EPB41L4B: variants seen among roughly 807,000 people sequenced by gnomAD.
EPB41L4B encodes the protein erythrocyte membrane protein band 4.1 like 4B, also known as band 4.1-like protein 4B.
A neutral mutation model predicts 112.5 loss-of-function variants in EPB41L4B; 30 were observed. The ratio of observed to expected loss-of-function variants is 0.27; its 90% confidence interval spans 0.20 to 0.36. The LOEUF (loss-of-function observed/expected upper bound fraction) is 0.36. EPB41L4B is among the 10% of genes least tolerant of loss of function. EPB41L4B has a pLI of 1.00. For missense variants in EPB41L4B, 1,024 were observed against 1,133.3 expected (o/e 0.90, Z 1.38); for synonymous variants, 408 against 439.7 (o/e 0.93, Z 0.90).
rs552184786 is a variant in EPB41L4B at position 109,264,830 on chromosome 9, G to A, written c.578+150C>T. ...TTTAAAATAGGATGATAATGACAGT[G>A]ATACAAGTATTAGACTCACTTTACA... On this transcript the variant is annotated intron_variant, in intron 5 of 25. Coordinates refer to ENST00000374566, the MANE Select transcript of EPB41L4B (RefSeq NM_019114.5). 2.9e-4 allele frequency: 161 copies of A among 552,982 alleles called. 1 individual carries two copies. In the East Asian group the frequency reaches 4.9e-3, roughly 17 times the overall value. The allele number at this position is 552,982 out of a possible 1,614,324, so 34.3% of individuals were successfully genotyped here.
At chr9:109,198,214 G>T (rs150886899) in intron 20 of EPB41L4B, among the ~76,000 whole-genome samples, 1 of 152,148 alleles carries the variant, frequency 6.6e-6, no homozygotes, top group Non-Finnish European at 1.5e-5. Context: ...GGCTGTTAGA[G>T]AATTGCATCC....
At chr9:109,237,893 G>A (rs985099444) in intron 15 of EPB41L4B, among the ~76,000 whole-genome samples, 5 of 152,004 alleles carry the variant, frequency 3.3e-5, no homozygotes, top group African/African-American at 1.2e-4. Flanking sequence ...ATGGACAGGG[G>A]TTACTAGATG....
chr9:109,183,818 T>A (rs1832153649), intron 23 of EPB41L4B, among the ~76,000 whole-genome samples: 2 of 152,232 alleles, frequency 1.3e-5, no homozygotes, highest in Admixed American at 1.3e-4. Flanking sequence ...CTGGGATAGC[T>A]ACTCAATGCT....
At chr9:109,241,594 G>A in intron 15 of EPB41L4B, 1 of 1,600,270 alleles carries the variant, frequency 6.2e-7, no homozygotes. Flanking sequence ...ATCCATCTGA[G>A]GCCAAGACAC....
chr9:109,206,674 G>C (rs10739273), intron 18 of EPB41L4B, among the ~76,000 whole-genome samples: 54,399 of 152,080 alleles, frequency 0.36, 10,218 homozygotes, highest in Middle Eastern at 0.44. Flanking sequence ...AAAGAGTCAT[G>C]GTCCACCAGG....
chr9:109,296,514 G>A (rs903449654), intron 1 of EPB41L4B, among the ~76,000 whole-genome samples: 1 of 152,164 alleles, frequency 6.6e-6, no homozygotes, highest in Non-Finnish European at 1.5e-5. Flanking sequence ...AATTTAACAG[G>A]GTTTGGCCTG....
chr9:109,176,050 G>GCGCA (rs1831820518), intron 25 of EPB41L4B, among the ~76,000 whole-genome samples: 7 of 32,926 alleles, frequency 2.1e-4, no homozygotes, highest in Admixed American at 1.7e-3. Flanking sequence ...TCACACACAC[G>GCGCA]CACACACACA....
intron 24 of EPB41L4B, among the ~76,000 whole-genome samples, chr9:109,179,848 C>T (rs1296172205): frequency 6.6e-6 from 1 of 152,204 alleles, no homozygotes; most frequent in Non-Finnish European, 1.5e-5. Context: ...CTCTCTCTCC[C>T]TTAAGCCACT....
At chr9:109,307,179 A>G (rs1447136174) in intron 1 of EPB41L4B, 1 of 461,004 alleles carries the variant, frequency 2.2e-6, no homozygotes, top group Admixed American at 2.5e-5. Context: ...TAATTCTATT[A>G]TAGTACATAC....
chr9:109,294,708 A>G (rs1162874484), intron 1 of EPB41L4B, among the ~76,000 whole-genome samples: 3 of 147,398 alleles, frequency 2.0e-5, no homozygotes, highest in African/African-American at 5.1e-5. Flanking sequence ...GTGTGTGTGT[A>G]TAAGTATTTA....
chr9:109,268,975 A>G (rs893722259), intron 2 of EPB41L4B, among the ~76,000 whole-genome samples: 2 of 152,118 alleles, frequency 1.3e-5, no homozygotes, highest in Middle Eastern at 3.4e-3. Flanking sequence ...AGTTTCTGGA[A>G]GTTTTACAAA....
chr9:109,255,651 G>C lies in EPB41L4B; in HGVS notation c.1029C>G (p.Phe343Leu), dbSNP rs768244543. The C allele has an allele frequency of 6.2e-7, 1 of 1,613,410 alleles. No individual in the cohort carries two copies. The highest frequency in any genetic ancestry group is 1.1e-5 in the South Asian group (1 of 91,066). ...QGREQEHTFV[F>L]RLDSARTCKH... ...TGCAGGTCCTGGCACTGTCTAACCG[G>C]AACACAAACGTGTGCTCTTGCTCAC... The change falls in exon 11 of 26, where the codon TTC becomes TTG. Residue 343 changes from phenylalanine to leucine, a missense_variant. Transcript: ENST00000374566.
chr9:109,293,585 T>C (rs764065382), intron 1 of EPB41L4B, among the ~76,000 whole-genome samples: 4 of 151,288 alleles, frequency 2.6e-5, no homozygotes, highest in Non-Finnish European at 5.9e-5. Flanking sequence ...GGTTTCTTCA[T>C]GTCAGCCAGG....
intron 1 of EPB41L4B, among the ~76,000 whole-genome samples, chr9:109,283,578 C>T (rs973674793): frequency 4.0e-5 from 6 of 151,800 alleles, no homozygotes; most frequent in African/African-American, 7.3e-5. Flanking sequence ...AAGATAATTA[C>T]GAAGATGAGA....
Position 109,203,620 on chromosome 9 carries a change from T to C in EPB41L4B, c.1946+43A>G, listed in dbSNP as rs1442874642. The C allele has an allele frequency of 3.4e-6, 5 of 1,449,764 alleles. No homozygotes were observed. In the African/African-American group the frequency reaches 4.2e-5, roughly 12 times the overall value. The allele number at this position is 1,449,764 out of a possible 1,614,324, so 89.8% of individuals were successfully genotyped here. A position where few individuals can be genotyped will look rare whatever the true frequency, so the allele number is the denominator to read the frequency against. ...AATGTTTCAAGGATAATGTTGATGA[T>C]ACAGAGAATATCATTTCCCCATTCA... On this transcript the variant is annotated intron_variant, in intron 19 of 25. Coordinates refer to ENST00000374566, the MANE Select transcript of EPB41L4B (RefSeq NM_019114.5).
chr9:109,310,481 T>C (rs1837378574), intron 1 of EPB41L4B, among the ~76,000 whole-genome samples: 1 of 152,208 alleles, frequency 6.6e-6, no homozygotes, highest in Non-Finnish European at 1.5e-5. Flanking sequence ...ATTCATGTTA[T>C]AGAGAGTCTT....
intron 15 of EPB41L4B, among the ~76,000 whole-genome samples, chr9:109,225,920 G>T (rs1416116755): frequency 6.6e-6 from 1 of 152,212 alleles, no homozygotes; most frequent in Non-Finnish European, 1.5e-5. Flanking sequence ...GTTGGCATGA[G>T]AGTGAACTTC....
At chr9:109,284,508 G>C (rs1028955139) in intron 1 of EPB41L4B, among the ~76,000 whole-genome samples, 4 of 152,128 alleles carry the variant, frequency 2.6e-5, no homozygotes, top group Non-Finnish European at 5.9e-5. Context: ...GAACTCCTGG[G>C]CTCAAAGGAT....
At chr9:109,269,536 A>C (rs911793529) in intron 2 of EPB41L4B, among the ~76,000 whole-genome samples, 9 of 152,212 alleles carry the variant, frequency 5.9e-5, no homozygotes, top group African/African-American at 2.2e-4. Context: ...CCGTGCACTT[A>C]ATTGTGACTG....
Sources: gnomAD v4.1 joint callset for allele counts (sites outside exome capture counted in the v4.1 genomes callset) on GRCh38, gnomAD v4.1.1 for gene constraint, MANE v1.5 for transcripts, NCBI Gene and HGNC (gene_info 2026-07-23, HGNC 2026-07-21) for gene names.